Variants in MIA3 observed in about 807,000 individuals in gnomAD.
MIA3 encodes the protein MIA SH3 domain ER export factor 3.
Under a neutral mutation model 192.4 loss-of-function variants are expected in MIA3, and 90 were observed. The observed-to-expected ratio is 0.47, with a 90% CI of 0.39 to 0.56. The LOEUF is 0.56. MIA3 is among the 20% of genes least tolerant of loss of function. The probability of loss-of-function intolerance (pLI) is 0.00; values close to 1 mark genes in which losing one functional copy is unlikely to be tolerated. For missense variants in MIA3, 2,123 were observed against 2,269.4 expected (o/e 0.94, Z 1.31); for synonymous variants, 740 against 792.8 (o/e 0.93, Z 1.12).
chr1:222,630,468 G>A, intron 4 of MIA3, 79 bp downstream of exon 4: 3 of 1,425,748 alleles, frequency 2.1e-6, no homozygotes, highest in Non-Finnish European at 2.8e-6. Flanking sequence ...ATCTTGTGAA[G>A]CTCTGTTCAG....
chr1:222,654,707 T>A lies in MIA3; in HGVS notation c.4521T>A (p.Ala1507=), dbSNP rs763968551. 5 of 1,614,116 alleles carry A rather than the reference T, an allele frequency of 3.1e-6. No individual in the cohort carries two copies. In the Admixed American group the frequency reaches 8.3e-5, roughly 27 times the overall value. The part of the protein sequence containing the change: ...DDRNSLQAAK[A]GLEDECKTLR... ...GCAACTCACTACAAGCTGCCAAAGC[T>A]GGACTGGAAGATGAATGCAAAACCT... The change falls in exon 18 of 28, where the codon GCT becomes GCA. Residue 1507 remains alanine, a synonymous_variant. Transcript: ENST00000344922.
In MIA3 at chr1:222,628,622, G is replaced by C. The variant is rs1487265648; in HGVS notation, c.1402G>C (p.Gly468Arg). ...VNAEHHIKGK[G>R]RGVQESKRGL... ...CGCAGAACATCACATTAAAGGAAAAGGGAGGGGAGTTCAGGAATCCAAGAG... is the reference window on the plus strand; with the variant it reads ...CGCAGAACATCACATTAAAGGAAAACGGAGGGGAGTTCAGGAATCCAAGAG... Residue 468 changes from glycine (G) to arginine (R), a missense_variant, in exon 4 of 28, where the codon GGG becomes CGG. Coordinates refer to ENST00000344922, the MANE Select transcript of MIA3 (RefSeq NM_198551.4). 4.3e-6 allele frequency: 7 copies of C among 1,613,892 alleles called. No individual in the cohort carries two copies. The African/African-American group carries it at 5.3e-5, about 12-fold the overall frequency.
chr1:222,658,239 A>G (rs1001383693), intron 18 of MIA3, among the ~76,000 whole-genome samples: 3 of 152,208 alleles, frequency 2.0e-5, no homozygotes, highest in African/African-American at 4.8e-5. Flanking sequence ...GGTTAATTGT[A>G]CAGTTAAGGA....
At chr1:222,638,120 T>G (rs1402204414) in intron 6 of MIA3, among the ~76,000 whole-genome samples, 2 of 152,190 alleles carry the variant, frequency 1.3e-5, no homozygotes, top group African/African-American at 4.8e-5. Flanking sequence ...TTATTGATGT[T>G]TATGGAACAT....
intron 27 of MIA3, chr1:222,664,880 C>A: frequency 2.2e-6 from 1 of 459,118 alleles, no homozygotes; most frequent in Non-Finnish European, 4.5e-6. Context: ...CTCTCTTTTT[C>A]AGATAAAGAT....
chr1:222,656,741 C>T lies in MIA3; in HGVS notation c.4607+1948C>T, dbSNP rs1445679109. On this transcript the variant is annotated intron_variant, in intron 18 of 27. Transcript: ENST00000344922. The stretch of plus-strand genomic sequence containing the variant: ...ACTAGGATCTCCCACCCCTACCCCT[C>T]GCCCAATGCCTCCTACATTCTGAAT... 2.0e-5 allele frequency among the ~76,000 whole-genome samples: 3 copies of T among 152,152 alleles called. 1 individual carries two copies. Among genetic ancestry groups the T allele is most frequent in the Non-Finnish European group, 1.5e-5 (1 of 68,020 alleles).
chr1:222,656,536 C>A (rs1477476079), intron 18 of MIA3, among the ~76,000 whole-genome samples: 2 of 151,936 alleles, frequency 1.3e-5, no homozygotes, highest in African/African-American at 2.4e-5. Flanking sequence ...GGTTTTTCAG[C>A]AGTTTTCTTG....
At chr1:222,631,507 AT>A (rs1268404734) in intron 4 of MIA3, among the ~76,000 whole-genome samples, 2 of 152,172 alleles carry the variant, frequency 1.3e-5, no homozygotes, top group Admixed American at 6.5e-5. Context: ...CAGAGTGCTA[AT>A]TTTTCCTAAG....
chr1:222,631,733 C>G (rs1662406194), intron 4 of MIA3, among the ~76,000 whole-genome samples: 1 of 152,184 alleles, frequency 6.6e-6, no homozygotes, highest in South Asian at 2.1e-4. Flanking sequence ...CGAAAGACAT[C>G]TCAGCAAGCT....
chr1:222,624,804 A>G lies in MIA3; in HGVS notation c.304A>G (p.Ile102Val). 3 of 1,601,870 alleles carry G rather than the reference A, an allele frequency of 1.9e-6. No individual in the cohort carries two copies. The highest frequency in any genetic ancestry group is 2.6e-6 in the Non-Finnish European group (3 of 1,169,828). Residue 102 changes from isoleucine (I) to valine (V), a missense_variant, in exon 3 of 28, where the codon ATC (isoleucine) becomes GTC (valine). Coordinates refer to ENST00000344922, the MANE Select transcript of MIA3 (RefSeq NM_198551.4). Reference protein sequence around the residue: ...RTFGYFPKDLIQVVHEYTKEE... With the variant: ...RTFGYFPKDLVQVVHEYTKEE... ...TTTTGGATATTTTCCAAAAGATTTA[A>G]TCCAGGTAGTTCATGAATATACCAA...
intron 1 of MIA3, among the ~76,000 whole-genome samples, chr1:222,620,243 A>G (rs1661796167): frequency 6.6e-6 from 1 of 152,106 alleles, no homozygotes; most frequent in African/African-American, 2.4e-5. Flanking sequence ...TGTCTCTGCT[A>G]TTTAGATGTA....
chr1:222,638,332 A>G (rs1187902065), intron 6 of MIA3, among the ~76,000 whole-genome samples: 1 of 152,214 alleles, frequency 6.6e-6, no homozygotes, highest in African/African-American at 2.4e-5. Flanking sequence ...ATATTTGGAA[A>G]CTAGGTGACA....
chr1:222,650,171 GT>G (rs1221630855), intron 8 of MIA3, 120 bp from the exon 9 acceptor site: 3 of 707,408 alleles, frequency 4.2e-6, no homozygotes, highest in Non-Finnish European at 7.8e-6. Flanking sequence ...AACCATAATA[GT>G]TATGCTGAGA....
intron 4 of MIA3, among the ~76,000 whole-genome samples, chr1:222,631,410 G>A (rs183774888): frequency 3.9e-5 from 6 of 152,224 alleles, no homozygotes; most frequent in Admixed American, 2.0e-4. Flanking sequence ...GTGAGCTACC[G>A]CACCTGGTAT....
intron 2 of MIA3, among the ~76,000 whole-genome samples, chr1:222,624,014 A>AC (rs1273840061): frequency 1.6e-4 from 24 of 152,270 alleles, no homozygotes; most frequent in African/African-American, 4.3e-4. Context: ...TGGGCAACAC[A>AC]GGTTTGAACT....
At chr1:222,663,478 G>A (rs982587452) in intron 26 of MIA3, among the ~76,000 whole-genome samples, 5 of 152,176 alleles carry the variant, frequency 3.3e-5, no homozygotes, top group Admixed American at 2.6e-4. Context: ...CTCTGCGCCT[G>A]TGTTCCTGCA....
rs1571889191 is a variant in MIA3, at chr1:222,646,009, A to G, written c.3609+324A>G. 3 of 198,576 alleles carry G rather than the reference A, an allele frequency of 1.5e-5. No individual in the cohort carries two copies. The South Asian group carries it at 2.4e-4, about 16-fold the overall frequency. 12.3% of individuals were successfully genotyped at this position (198,576 alleles called of 1,614,324 possible). ...TCATATGTACACTGTTAGTAGAACT[A>G]GGAATTCTTAGAGCCATCCTGAAAA... On this transcript the variant is annotated intron_variant, in intron 7 of 27. Transcript: ENST00000344922.
intron 7 of MIA3, among the ~76,000 whole-genome samples, chr1:222,646,897 A>G (rs1663173880): frequency 6.6e-6 from 1 of 152,244 alleles, no homozygotes; most frequent in South Asian, 2.1e-4. Flanking sequence ...TCAAAGACAT[A>G]GGAGCACAAC....
intron 11 of MIA3, 143 bp from the exon 12 acceptor site, chr1:222,651,834 C>CA (rs1663452436): frequency 1.5e-6 from 1 of 658,624 alleles, no homozygotes; most frequent in Non-Finnish European, 2.7e-6. Context: ...TTCCCGAGGG[C>CA]AAAACTGAAA....
Sources: gnomAD v4.1 joint callset for allele counts (sites outside exome capture counted in the v4.1 genomes callset) on GRCh38, gnomAD v4.1.1 for gene constraint, MANE v1.5 for transcripts, NCBI Gene and HGNC (gene_info 2026-07-23, HGNC 2026-07-21) for gene names.